Variants in SF3A2 observed in about 807,000 individuals in gnomAD.
SF3A2 encodes the protein SAP 62.
SF3A2 carries 5 observed loss-of-function variants against 31.1 expected under a neutral mutation model. The observed-to-expected ratio is 0.16, with a 90% CI of 0.08 to 0.34. SF3A2 has a LOEUF of 0.34. Ranked by LOEUF, SF3A2 falls within the 10% of genes least tolerant of loss-of-function variation. SF3A2 has a pLI of 1.00. For synonymous variants in SF3A2, 365 were observed against 263.7 expected, an observed-to-expected ratio of 1.38 and a Z score of -3.72; for missense variants, 577 against 643.9, an observed-to-expected ratio of 0.90 and a Z score of 1.13.
rs76052805 is a variant in SF3A2 at position 2,246,060 on chromosome 19, G to A, written c.355+505G>A. ...CCATAGGGTTCAGGAAGGCGGGCAC[G>A]CTACCCAGCAAGTGTTCTTTACAGA... On this transcript the variant is annotated intron_variant, in intron 5 of 8. Coordinates refer to ENST00000221494, the MANE Select transcript of SF3A2 (RefSeq NM_007165.5). The surrounding 1 kb of genome is among the most constrained non-coding windows in gnomAD (Gnocchi z 5.5). Among the ~76,000 whole-genome samples, 345 of 152,294 alleles carry A rather than the reference G, an allele frequency of 2.3e-3. 2 individuals carry two copies. The highest frequency in any genetic ancestry group is 7.9e-3 in the African/African-American group (330 of 41,554).
At chr19:2,239,654 T>C (rs1044466439) in intron 1 of SF3A2, among the ~76,000 whole-genome samples, 6 of 152,186 alleles carry the variant, frequency 3.9e-5, no homozygotes, top group African/African-American at 1.4e-4. Context: ...CTTGCTAATG[T>C]TCTTATGTTA....
chr19:2,248,649 T>G lies in SF3A2; in HGVS notation c.*103T>G. On this transcript the variant is annotated 3_prime_UTR_variant, in exon 9 of 9. Coordinates refer to ENST00000221494, the MANE Select transcript of SF3A2 (RefSeq NM_007165.5). ...ACTGCCCCCCGCTCATTAAACAGCC[T>G]CCCCCAGCCCTGAGTGCACTGATGT... is the stretch of plus-strand genomic sequence containing the variant. The G allele has an allele frequency of 2.6e-6, 1 of 382,040 alleles. No homozygotes were observed. The highest frequency in any genetic ancestry group is 4.6e-6 in the Non-Finnish European group (1 of 216,918). The allele number at this position is 382,040 out of a possible 1,614,324, so 23.7% of individuals were successfully genotyped here. A position where few individuals can be genotyped will look rare whatever the true frequency, so the allele number is the denominator to read the frequency against.
Position 2,243,368 on chromosome 19 carries a change from C to G in SF3A2, c.-37-14C>G. ...TCTGAGCCATCTTCCTCACTCTCCT[C>G]TTGGCCTCCACAGGTGTCTCCCAGT... On this transcript the variant is annotated splice_polypyrimidine_tract_variant and intron_variant, in intron 1 of 8. Transcript: ENST00000221494. 1 of 1,478,290 alleles carries G rather than the reference C, an allele frequency of 6.8e-7. No homozygotes were observed. The highest frequency in any genetic ancestry group is 8.9e-7 in the Non-Finnish European group (1 of 1,117,610). 91.6% of individuals were successfully genotyped at this position (1,478,290 alleles called of 1,614,324 possible).
In SF3A2 at chr19:2,248,149, C is replaced by G. The variant is rs761055981; in HGVS notation, c.998C>G (p.Ala333Gly). 2.1e-6 allele frequency: 3 copies of G among 1,455,106 alleles called. No homozygotes were observed. Among genetic ancestry groups the G allele is most frequent in the Non-Finnish European group, 2.8e-6 (3 of 1,069,028 alleles). The allele number at this position is 1,455,106 out of a possible 1,614,324, so 90.1% of individuals were successfully genotyped here. Residue 333 changes from alanine (A) to glycine (G), a missense_variant, in exon 9 of 9, where the codon GCT becomes GGT. Ala to Gly is a moderately conservative substitution (Grantham distance 60). Around this residue, in one of 6 missense-constraint regions of SF3A2, gnomAD observed 462 missense variants for 339.1 expected, o/e 1.36. Transcript: ENST00000221494. ...CCAACCTCTGGGGTCCACCCCCCAGCTCCTGGAGTCCACCCTCCAGCCCCC... is the reference window on the plus strand; with the variant it reads ...CCAACCTCTGGGGTCCACCCCCCAGGTCCTGGAGTCCACCCTCCAGCCCCC... The part of the protein sequence containing the change: ...HPPTSGVHPP[A>G]PGVHPPAPGV...
intron 7 of SF3A2, 70 bp downstream of exon 7, chr19:2,247,092 C>CG: frequency 1.3e-6 from 2 of 1,551,084 alleles, no homozygotes; most frequent in Non-Finnish European, 1.7e-6. Context: ...ATAGGCTGGG[C>CG]AGGATGCCCC....
chr19:2,242,433 G>A (rs983629754), intron 1 of SF3A2, among the ~76,000 whole-genome samples: 7 of 152,248 alleles, frequency 4.6e-5, no homozygotes, highest in African/African-American at 7.2e-5. Flanking sequence ...CAGCCACAGC[G>A]CAGCCTCTCT....
chr19:2,247,456 C>T, intron 7 of SF3A2, 138 bp from the exon 8 acceptor site: 1 of 780,882 alleles, frequency 1.3e-6, no homozygotes, highest in Non-Finnish European at 2.1e-6. Context: ...CCCTGTGCCC[C>T]ACGAAAGTCT....
chr19:2,240,252 G>A (rs113270992), intron 1 of SF3A2, among the ~76,000 whole-genome samples: 6 of 152,342 alleles, frequency 3.9e-5, no homozygotes, highest in African/African-American at 1.4e-4. Context: ...CAGACTTCCC[G>A]CTGCCCAGGC....
At position 2,246,739 on chromosome 19, in the gene SF3A2, T is replaced by C; in HGVS notation, c.356-14T>C. ...GGACAAGCAGCCGGGACCTGAGAGC[T>C]TTCTGTGTTGCAGTGACCAAGCAGA... is the stretch of plus-strand genomic sequence containing the variant. On this transcript the variant is annotated splice_polypyrimidine_tract_variant and intron_variant, in intron 5 of 8. Coordinates refer to ENST00000221494, the MANE Select transcript of SF3A2 (RefSeq NM_007165.5). This position sits in a 1 kb window ranked among gnomAD's most constrained non-coding sequence, Gnocchi z 5.5. 1 of 1,613,856 alleles carries C rather than the reference T, an allele frequency of 6.2e-7. No individual in the cohort carries two copies. Among genetic ancestry groups the C allele is most frequent in the Non-Finnish European group, 8.5e-7 (1 of 1,179,940 alleles).
intron 1 of SF3A2, among the ~76,000 whole-genome samples, chr19:2,241,504 A>G (rs1488436068): frequency 6.6e-6 from 1 of 152,090 alleles, no homozygotes; most frequent in Admixed American, 6.5e-5. Flanking sequence ...CACTTCATGA[A>G]CCTGTCCGGG....
intron 1 of SF3A2, 134 bp downstream of exon 1, chr19:2,237,035 C>T (rs1388199880): frequency 6.6e-6 from 1 of 152,008 alleles, no homozygotes; most frequent in Admixed American, 6.5e-5. Flanking sequence ...TCCCCTCCCT[C>T]CTCCCGTGAG....
In SF3A2 at chr19:2,245,199, AAAAG is replaced by A. The variant is rs1362833337; in HGVS notation, c.246-245_246-242del. ...ACTCTTGTCTTATTAAAAAAAAAAA[AAAAG>A]AGCAGAGGCATGGAGTTGTTGGAAG... is the stretch of plus-strand genomic sequence containing the variant. On this transcript the variant is annotated intron_variant, in intron 4 of 8. Transcript: ENST00000221494. This position sits in a 1 kb window ranked among gnomAD's most constrained non-coding sequence, Gnocchi z 4.2. 2.6e-5 allele frequency: 13 copies of A among 509,078 alleles called. No homozygotes were observed. The highest frequency in any genetic ancestry group is 3.6e-5 in the Admixed American group (1 of 27,842). The allele number at this position is 509,078 out of a possible 1,614,324, so 31.5% of individuals were successfully genotyped here. A position where few individuals can be genotyped will look rare whatever the true frequency, so the allele number is the denominator to read the frequency against.
intron 1 of SF3A2, among the ~76,000 whole-genome samples, chr19:2,241,118 C>G (rs2024885089): frequency 6.6e-6 from 1 of 152,276 alleles, no homozygotes; most frequent in South Asian, 2.1e-4. Context: ...ACGACAGGGA[C>G]AAGCAGGGCG....
intron 1 of SF3A2, among the ~76,000 whole-genome samples, chr19:2,239,333 G>A (rs1237445818): frequency 1.3e-5 from 2 of 149,446 alleles, no homozygotes; most frequent in Admixed American, 1.3e-4. Flanking sequence ...CTACTGCCTG[G>A]GCGACAGAGC....
rs1334170764 is a variant in SF3A2 at position 2,248,169 on chromosome 19, G to GC, written c.1023dup (p.Gly342ArgfsTer?). On this transcript the variant is annotated frameshift_variant, in exon 9 of 9. Transcript: ENST00000221494. LOFTEE classifies it low-confidence loss of function (END_TRUNC). ...CCCAGCTCCTGGAGTCCACCCTCCA[G>GC]CCCCCGGGGTTCACCCACCAGCCCC... The GC allele has an allele frequency of 1.4e-6, 2 of 1,450,738 alleles. No homozygotes were observed. Among genetic ancestry groups the GC allele is most frequent in the African/African-American group, 1.5e-5 (1 of 65,864 alleles). 89.9% of individuals were successfully genotyped at this position (1,450,738 alleles called of 1,614,324 possible).
chr19:2,248,486 G>A lies in SF3A2; in HGVS notation c.1335G>A (p.Leu445=). The change falls in exon 9 of 9, where the codon CTG becomes CTA. Residue 445 remains leucine (L), a synonymous_variant. Coordinates refer to ENST00000221494, the MANE Select transcript of SF3A2 (RefSeq NM_007165.5). Reference sequence around the variant, plus strand: ...CCCCAACTCCCATGCCCCCAATGCTGAGGCCCCCACTTCCCTCCGAAGGCC... The same window carrying A: ...CCCCAACTCCCATGCCCCCAATGCTAAGGCCCCCACTTCCCTCCGAAGGCC... ...VHPPTPMPPM[L]RPPLPSEGPG... 6 of 1,123,826 alleles carry A rather than the reference G, an allele frequency of 5.3e-6. No homozygotes were observed. Among genetic ancestry groups the A allele is most frequent in the Non-Finnish European group, 6.8e-6 (6 of 886,750 alleles). 69.6% of individuals were successfully genotyped at this position (1,123,826 alleles called of 1,614,324 possible).
chr19:2,247,539 TGGTCGCCCTGA>T, intron 7 of SF3A2, 44 bp from the exon 8 acceptor site: 1 of 1,583,250 alleles, frequency 6.3e-7, no homozygotes, highest in Non-Finnish European at 8.7e-7. Flanking sequence ...CCCTGCCTGA[TGGTCGCCCTGA>T]GGTCACAGGG....
chr19:2,245,737 G>A lies in SF3A2; in HGVS notation c.355+182G>A, dbSNP rs2024926113. 1.6e-6 allele frequency: 1 copy of A among 608,514 alleles called. No individual in the cohort carries two copies. Among genetic ancestry groups the A allele is most frequent in the South Asian group, 1.9e-5 (1 of 52,622 alleles). The allele number at this position is 608,514 out of a possible 1,614,324, so 37.7% of individuals were successfully genotyped here. A position where few individuals can be genotyped will look rare whatever the true frequency, so the allele number is the denominator to read the frequency against. The stretch of plus-strand genomic sequence containing the variant: ...GTTGTGTCTGGGAGCTGTCAGGCTG[G>A]GCCCGATAAGCACCCATCTCACCCA... On this transcript the variant is annotated intron_variant, in intron 5 of 8. Transcript: ENST00000221494. This position sits in a 1 kb window ranked among gnomAD's most constrained non-coding sequence, Gnocchi z 4.2.
At position 2,245,814 on chromosome 19, in the gene SF3A2, G is replaced by A; in HGVS notation, c.355+259G>A. 1 of 509,480 alleles carries A rather than the reference G, an allele frequency of 2.0e-6. No homozygotes were observed. The highest frequency in any genetic ancestry group is 3.5e-6 in the Non-Finnish European group (1 of 284,676). 31.6% of individuals were successfully genotyped at this position (509,480 alleles called of 1,614,324 possible). A position where few individuals can be genotyped will look rare whatever the true frequency, so the allele number is the denominator to read the frequency against. On this transcript the variant is annotated intron_variant, in intron 5 of 8. Coordinates refer to ENST00000221494, the MANE Select transcript of SF3A2 (RefSeq NM_007165.5). This position sits in a 1 kb window ranked among gnomAD's most constrained non-coding sequence, Gnocchi z 4.2. ...GTCTGTGCCCTCCTGTCCGGGTCTT[G>A]TGGAAGCTTCTGGGAATTCTTGCCA... is the stretch of plus-strand genomic sequence containing the variant.
Sources: gnomAD v4.1 joint callset for allele counts (sites outside exome capture counted in the v4.1 genomes callset) on GRCh38, gnomAD v4.1.1 for gene constraint, gnomAD v4.1.1 regional missense constraint, Gnocchi (gnomAD v3.1) non-coding constraint, MANE v1.5 for transcripts, NCBI Gene and HGNC (gene_info 2026-07-23, HGNC 2026-07-21) for gene names.